The following LIN7A variants were observed in gnomAD, a reference collection of about 807,000 sequenced individuals.
LIN7A encodes the protein lin-7 cell polarity scaffold A.
In LIN7A, 25 loss-of-function variants were observed where a neutral mutation model predicts 29.8. The ratio of observed to expected loss-of-function variants is 0.84; its 90% CI spans 0.61 to 1.17. The LOEUF (loss-of-function observed/expected upper bound fraction) is 1.17. Ranked by LOEUF, LIN7A falls within the 50% of genes most tolerant of loss-of-function variation. The probability of loss-of-function intolerance (pLI) is 0.00; values close to 1 mark genes in which losing one functional copy is unlikely to be tolerated. For synonymous variants in LIN7A, 118 were observed against 107.5 expected, an observed-to-expected ratio of 1.10 and a Z score of -0.60; for missense variants, 239 against 287.0, an observed-to-expected ratio of 0.83 and a Z score of 1.21.
chr12:80,864,568 G>A (rs1874045336), intron 2 of LIN7A, among the ~76,000 whole-genome samples: 1 of 152,098 alleles, frequency 6.6e-6, no homozygotes, highest in Non-Finnish European at 1.5e-5. Flanking sequence ...AAATTCCCTG[G>A]CATGCAAAGC....
intron 2 of LIN7A, among the ~76,000 whole-genome samples, chr12:80,862,607 C>T (rs1004169607): frequency 1.1e-4 from 17 of 152,164 alleles, no homozygotes; most frequent in African/African-American, 2.7e-4. Flanking sequence ...TTATCTAACA[C>T]GTATTTTCTC....
At chr12:80,882,255 A>G (rs1434090128) in intron 2 of LIN7A, among the ~76,000 whole-genome samples, 6 of 147,712 alleles carry the variant, frequency 4.1e-5, no homozygotes, top group African/African-American at 1.5e-4. Flanking sequence ...ATCATCTGTG[A>G]GTAATAACAG....
intron 2 of LIN7A, among the ~76,000 whole-genome samples, chr12:80,869,291 A>G (rs1874306134): frequency 1.3e-5 from 2 of 152,242 alleles, no homozygotes; most frequent in African/African-American, 2.4e-5. Flanking sequence ...TTTAAGATGC[A>G]TATGTTTTCT....
At chr12:80,846,055 T>C (rs2121548944) in intron 3 of LIN7A, 116 bp from the exon 4 acceptor site, 3 of 858,290 alleles carry the variant, frequency 3.5e-6, no homozygotes, top group African/African-American at 1.8e-5. Flanking sequence ...AGTATTCTCC[T>C]GTGAAAGAAA....
intron 5 of LIN7A, among the ~76,000 whole-genome samples, chr12:80,808,243 T>A (rs1871133687): frequency 1.3e-5 from 2 of 152,232 alleles, no homozygotes; most frequent in Non-Finnish European, 2.9e-5. Context: ...CTTTGAGAGA[T>A]CTTCCCTGAT....
Position 80,795,216 on chromosome 12 carries a change from A to C in LIN7A, c.*2511T>G, listed in dbSNP as rs1343261977. 1 of 152,148 alleles carries C rather than the reference A, an allele frequency of 6.6e-6. No individual in the cohort carries two copies. The highest frequency in any genetic ancestry group is 6.6e-5 in the Admixed American group (1 of 15,258). 9.4% of individuals were successfully genotyped at this position (152,148 alleles called of 1,614,324 possible). ...CCTTCTTCTGGCTTCAGTGAAACTTAAGAGAACCACAGGTGGCTTAAGTCT... is the reference window on the plus strand; with the variant it reads ...CCTTCTTCTGGCTTCAGTGAAACTTCAGAGAACCACAGGTGGCTTAAGTCT... On this transcript the variant is annotated 3_prime_UTR_variant, in exon 6 of 6. Transcript: ENST00000552864.
At chr12:80,829,458 C>T (rs1366762498) in intron 4 of LIN7A, among the ~76,000 whole-genome samples, 4 of 152,118 alleles carry the variant, frequency 2.6e-5, no homozygotes, top group Non-Finnish European at 4.4e-5. Flanking sequence ...ACTTATACGG[C>T]ATGGCAGATC....
intron 1 of LIN7A, among the ~76,000 whole-genome samples, chr12:80,899,765 C>CTTTTTTTTTTTTTTTTTTTTTTT (rs760389788): frequency 9.1e-6 from 1 of 109,992 alleles, no homozygotes. Flanking sequence ...TTCTTTTTTT[C>CTTTTTTTTTTTTTTTTTTTTTTT]TTTTCTTTTT....
At chr12:80,856,494 CTG>C (rs1821690254) in intron 2 of LIN7A, among the ~76,000 whole-genome samples, 1 of 152,172 alleles carries the variant, frequency 6.6e-6, no homozygotes, top group Non-Finnish European at 1.5e-5. Context: ...TCAGTGGTAA[CTG>C]TGCCATGTGA....
chr12:80,828,507 TATAATA>T (rs1057448411), intron 4 of LIN7A, among the ~76,000 whole-genome samples: 1 of 152,010 alleles, frequency 6.6e-6, no homozygotes, highest in African/African-American at 2.4e-5. Flanking sequence ...GAAAATTACA[TATAATA>T]ATAATAATAG....
At chr12:80,908,870 T>A (rs1876615391) in intron 1 of LIN7A, among the ~76,000 whole-genome samples, 1 of 152,076 alleles carries the variant, frequency 6.6e-6, no homozygotes, top group Non-Finnish European at 1.5e-5. Context: ...GTTTTAGGAG[T>A]TATTTATATA....
At chr12:80,860,804 C>T (rs1873833384) in intron 2 of LIN7A, among the ~76,000 whole-genome samples, 1 of 152,196 alleles carries the variant, frequency 6.6e-6, no homozygotes, top group Non-Finnish European at 1.5e-5. Flanking sequence ...TCTGCCACCT[C>T]CTTTAGTAGA....
chr12:80,851,355 CTT>C (rs199557424), intron 2 of LIN7A, among the ~76,000 whole-genome samples: 36 of 139,478 alleles, frequency 2.6e-4, no homozygotes, highest in Middle Eastern at 3.8e-3. Context: ...AATTGCTAGT[CTT>C]TTTTTTTTTT....
At chr12:80,805,796 T>C (rs1267864410) in intron 5 of LIN7A, among the ~76,000 whole-genome samples, 1 of 152,006 alleles carries the variant, frequency 6.6e-6, no homozygotes. Flanking sequence ...AATTGAATCA[T>C]GGTGGCTGGT....
chr12:80,813,665 T>C (rs1871401475), intron 4 of LIN7A, among the ~76,000 whole-genome samples: 2 of 152,190 alleles, frequency 1.3e-5, no homozygotes, highest in African/African-American at 2.4e-5. Flanking sequence ...ACAATGCTGC[T>C]TTTTTCCCAA....
chr12:80,829,367 C>T (rs1030187946), intron 4 of LIN7A, among the ~76,000 whole-genome samples: 2 of 152,082 alleles, frequency 1.3e-5, no homozygotes, highest in East Asian at 1.9e-4. Flanking sequence ...GTTTTTCTCC[C>T]GACATCGTTA....
intron 4 of LIN7A, among the ~76,000 whole-genome samples, chr12:80,838,147 G>C (rs1379584513): frequency 6.6e-6 from 1 of 152,154 alleles, no homozygotes; most frequent in African/African-American, 2.4e-5. Flanking sequence ...CCCATGTGTG[G>C]GAATGCTTCC....
At chr12:80,801,131 C>CAA (rs145721149) in intron 5 of LIN7A, among the ~76,000 whole-genome samples, 12,221 of 151,790 alleles carry the variant, frequency 0.081, 1,605 homozygotes, top group African/African-American at 0.28. Flanking sequence ...GGAGAAAAAA[C>CAA]TGTGTACTAA....
chr12:80,801,780 C>T (rs1242259511), intron 5 of LIN7A, among the ~76,000 whole-genome samples: 3 of 152,004 alleles, frequency 2.0e-5, no homozygotes, highest in Admixed American at 6.6e-5. Flanking sequence ...AAGCTTATTC[C>T]TCCTGTCTAA....
Sources: allele counts gnomAD v4.1 joint callset (sites outside exome capture counted in the v4.1 genomes callset), GRCh38; gene constraint gnomAD v4.1.1; transcripts MANE v1.5; gene names NCBI Gene and HGNC (gene_info 2026-07-23, HGNC 2026-07-21).